Variants in GJB7 observed in about 807,000 individuals in gnomAD.
GJB7 encodes the protein gap junction beta-7 protein.
For missense variants in GJB7, 253 were observed against 256.8 expected (o/e 0.99, Z 0.10); for synonymous variants, 87 against 95.2 (o/e 0.91, Z 0.50).
intron 2 of GJB7, among the ~76,000 whole-genome samples, chr6:87,291,665 T>G (rs1298786076): frequency 6.6e-6 from 1 of 152,222 alleles, no homozygotes; most frequent in Non-Finnish European, 1.5e-5. Context: ...GCAACCTTAC[T>G]TCGTGGCAGC....
rs373677403 is a variant in GJB7 at position 87,284,447 on chromosome 6, T to G, written c.466A>C (p.Lys156Gln). The G allele has an allele frequency of 7.9e-5, 127 of 1,614,020 alleles. 1 individual carries two copies. The African/African-American group carries it at 1.5e-3, about 19-fold the overall frequency. ...TTGGGACAAGGCTTCAAATCACACTTTATAAGGTAGGGAACACTAAAGCCA... is the reference window on the plus strand; with the variant it reads ...TTGGGACAAGGCTTCAAATCACACTGTATAAGGTAGGGAACACTAAAGCCA... Reference protein sequence around the residue: ...YDGFSVPYLIKCDLKPCPNTV... With the variant: ...YDGFSVPYLIQCDLKPCPNTV... Residue 156 changes from lysine (K) to glutamine (Q), a missense_variant, in exon 3 of 3, where the codon AAG (lysine) becomes CAG (glutamine). Transcript: ENST00000525899.
chr6:87,300,053 A>C (rs1776298702), intron 2 of GJB7: 2 of 331,304 alleles, frequency 6.0e-6, no homozygotes, highest in African/African-American at 4.3e-5. Context: ...GCTGCTGTTG[A>C]AGAAGGCATT....
chr6:87,305,483 C>T (rs926405841), intron 2 of GJB7, among the ~76,000 whole-genome samples: 7 of 152,064 alleles, frequency 4.6e-5, no homozygotes, highest in Non-Finnish European at 8.8e-5. Context: ...TGTGAAGGAC[C>T]TCTTCAAGGA....
Position 87,300,933 on chromosome 6 carries a change from C to G in GJB7, c.-27-15994G>C, listed in dbSNP as rs559789892. On this transcript the variant is annotated intron_variant, in intron 2 of 2. Transcript: ENST00000525899. Reference sequence around the variant, plus strand: ...AAACAGACTGACAAGCATCCAGATACTGATGTTAGTTAATACGGACTTTAA... The same window carrying G: ...AAACAGACTGACAAGCATCCAGATAGTGATGTTAGTTAATACGGACTTTAA... Among the ~76,000 whole-genome samples, 177 of 152,252 alleles carry G rather than the reference C, an allele frequency of 1.2e-3. 1 individual carries two copies. Among genetic ancestry groups the G allele is most frequent in the African/African-American group, 4.0e-3 (167 of 41,530 alleles).
At chr6:87,299,181 G>A in intron 2 of GJB7, 1 of 451,708 alleles carries the variant, frequency 2.2e-6, no homozygotes, top group Non-Finnish European at 4.5e-6. Flanking sequence ...GAAATCAGAA[G>A]TGTGATGTTA....
chr6:87,299,267 C>T, intron 2 of GJB7: 1 of 472,382 alleles, frequency 2.1e-6, no homozygotes, highest in Non-Finnish European at 4.3e-6. Context: ...GCTCAGGTTG[C>T]TACGATTTCT....
chr6:87,312,267 A>C (rs1776520537), intron 2 of GJB7, among the ~76,000 whole-genome samples: 1 of 150,338 alleles, frequency 6.7e-6, no homozygotes, highest in African/African-American at 2.5e-5. Flanking sequence ...TAATCCCAGC[A>C]CTTTGGGAGG....
chr6:87,328,092 G>GT (rs1240826949), intron 1 of GJB7, among the ~76,000 whole-genome samples: 1 of 152,114 alleles, frequency 6.6e-6, no homozygotes, highest in East Asian at 1.9e-4. Context: ...TTGAGCCTTG[G>GT]TTTTCAGCTC....
At chr6:87,293,311 G>A (rs565109102) in intron 2 of GJB7, among the ~76,000 whole-genome samples, 11 of 152,316 alleles carry the variant, frequency 7.2e-5, no homozygotes, top group African/African-American at 2.2e-4. Context: ...TCACAGGCAT[G>A]AGCCACCGCA....
At chr6:87,287,675 T>C (rs1327993112) in intron 2 of GJB7, among the ~76,000 whole-genome samples, 1 of 152,150 alleles carries the variant, frequency 6.6e-6, no homozygotes, top group Non-Finnish European at 1.5e-5. Context: ...CCCTATGACA[T>C]GTATCATTGG....
chr6:87,287,260 T>C (rs1395019792), intron 2 of GJB7, among the ~76,000 whole-genome samples: 1 of 152,224 alleles, frequency 6.6e-6, no homozygotes, highest in Non-Finnish European at 1.5e-5. Context: ...TTTCCTATAG[T>C]ACAATAATTA....
intron 2 of GJB7, among the ~76,000 whole-genome samples, chr6:87,320,852 G>A (rs994645860): frequency 6.6e-5 from 10 of 152,100 alleles, no homozygotes; most frequent in Admixed American, 1.3e-4. Flanking sequence ...TAAAGCCTCC[G>A]GGTAGCTGGC....
chr6:87,296,900 G>A (rs1776255290), intron 2 of GJB7, among the ~76,000 whole-genome samples: 1 of 152,090 alleles, frequency 6.6e-6, no homozygotes. Context: ...TCTTTGCAGG[G>A]GCTGATCTTT....
At chr6:87,325,602 C>T (rs1288078784) in intron 1 of GJB7, among the ~76,000 whole-genome samples, 1 of 150,870 alleles carries the variant, frequency 6.6e-6, no homozygotes, top group Non-Finnish European at 1.5e-5. Context: ...AGCCTTGCAT[C>T]CCAGGGATGA....
rs1249328041 is a variant in GJB7, at chr6:87,284,803, A to G, written c.110T>C (p.Met37Thr). 1.2e-6 allele frequency: 2 copies of G among 1,614,136 alleles called. No homozygotes were observed. Among genetic ancestry groups the G allele is most frequent in the African/African-American group, 1.3e-5 (1 of 75,034 alleles). Residue 37 changes from methionine to threonine, a missense_variant, in exon 3 of 3, where the codon ATG (methionine) becomes ACG (threonine). By Grantham distance (81) the Met-to-Thr change is moderately conservative. Coordinates refer to ENST00000525899, the MANE Select transcript of GJB7 (RefSeq NM_198568.3). ...VVFVFRLLVYMVAAEHVWKDE... is the reference protein window; with the variant it reads ...VVFVFRLLVYTVAAEHVWKDE... Reference sequence around the variant, plus strand: ...TTTCCACACGTGCTCTGCTGCCACCATGTAGACCAGCAAACGGAAGACAAA... The same window carrying G: ...TTTCCACACGTGCTCTGCTGCCACCGTGTAGACCAGCAAACGGAAGACAAA...
Position 87,284,599 on chromosome 6 carries a change from T to G in GJB7, c.314A>C (p.His105Pro), listed in dbSNP as rs199499493. The change falls in exon 3 of 3, where the codon CAC becomes CCC. Residue 105 changes from histidine (H) to proline (P), a missense_variant. By Grantham distance (77) the His-to-Pro change is moderately conservative. Transcript: ENST00000525899. ...VAYHEGREKR[H>P]RKKLYVSPGT... Reference sequence around the variant, plus strand: ...TGGGCTGACATAGAGTTTCTTTCTGTGCCTTTTCTCTCTACCCTCATGATA... The same window carrying G: ...TGGGCTGACATAGAGTTTCTTTCTGGGCCTTTTCTCTCTACCCTCATGATA... The G allele has an allele frequency of 5.0e-4, 804 of 1,614,174 alleles. 1 individual carries two copies. Among genetic ancestry groups the G allele is most frequent in the Non-Finnish European group, 6.2e-4 (729 of 1,180,024 alleles).
intron 2 of GJB7, among the ~76,000 whole-genome samples, chr6:87,321,233 A>T (rs1776653529): frequency 1.3e-5 from 2 of 152,036 alleles, no homozygotes; most frequent in African/African-American, 4.8e-5. Flanking sequence ...TCTCAAAAAA[A>T]AAAAAAAAAA....
intron 1 of GJB7, among the ~76,000 whole-genome samples, chr6:87,327,730 G>T (rs1225608775): frequency 1.4e-5 from 2 of 145,928 alleles, no homozygotes; most frequent in Non-Finnish European, 3.0e-5. Flanking sequence ...ACAATTATGT[G>T]TCTTGGAGTT....
Position 87,284,241 on chromosome 6 carries a change from TCA to T in GJB7, c.670_671del (p.Ter224SerfsTer33). On this transcript the variant is annotated frameshift_variant and stop_lost, in exon 3 of 3. Transcript: ENST00000525899. LOFTEE classifies it high-confidence loss of function. ...YLKKPQVLSV[*>X] ...TTCAACATATCTGAGGCTGTGGCAC[TCA>T]CACACTGAGGACTTGAGGTTTTTTT... is the stretch of plus-strand genomic sequence containing the variant. 1 of 1,611,298 alleles carries T rather than the reference TCA, an allele frequency of 6.2e-7. No individual in the cohort carries two copies. Among genetic ancestry groups the T allele is most frequent in the Non-Finnish European group, 8.5e-7 (1 of 1,178,314 alleles).
Sources: allele counts gnomAD v4.1 joint callset (sites outside exome capture counted in the v4.1 genomes callset), GRCh38; gene constraint gnomAD v4.1.1; transcripts MANE v1.5; gene names NCBI Gene and HGNC (gene_info 2026-07-23, HGNC 2026-07-21).